Variants in MYRIP observed in about 807,000 individuals in gnomAD.
MYRIP encodes myosin VIIA and Rab interacting protein.
Under a neutral mutation model 98.0 loss-of-function variants are expected in MYRIP, and 49 were observed. That is an observed-to-expected ratio of 0.50 (90% CI 0.40 to 0.63). MYRIP has a LOEUF of 0.63. Ranked by LOEUF, MYRIP falls within the 30% of genes least tolerant of loss-of-function variation. MYRIP has a pLI of 0.00. For synonymous variants in MYRIP, 404 were observed against 409.5 expected (o/e 0.99, Z 0.16); for missense variants, 1,004 against 1,058.2 (o/e 0.95, Z 0.71).
chr3:39,950,802 A>T (rs1944995137), intron 2 of MYRIP, among the ~76,000 whole-genome samples: 1 of 152,198 alleles, frequency 6.6e-6, no homozygotes, highest in South Asian at 2.1e-4. Context: ...GCTATTTGTC[A>T]TTCATTTTCA....
chr3:39,838,974 T>TC (rs1941711935), intron 1 of MYRIP, among the ~76,000 whole-genome samples: 1 of 152,172 alleles, frequency 6.6e-6, no homozygotes, highest in Admixed American at 6.5e-5. Flanking sequence ...CCATTTTTTT[T>TC]CTAGATTTTC....
At chr3:40,078,105 A>G (rs1265369805) in intron 3 of MYRIP, among the ~76,000 whole-genome samples, 4 of 152,250 alleles carry the variant, frequency 2.6e-5, no homozygotes, top group Non-Finnish European at 5.9e-5. Context: ...TGAGAAATCT[A>G]GCGCAGCGCC....
chr3:40,090,962 G>A (rs945197557), intron 3 of MYRIP, among the ~76,000 whole-genome samples: 1 of 152,160 alleles, frequency 6.6e-6, no homozygotes, highest in Non-Finnish European at 1.5e-5. Context: ...ATGGTTTCTT[G>A]GGTGTGGACT....
chr3:39,841,580 T>C (rs972836052), intron 1 of MYRIP, among the ~76,000 whole-genome samples: 4 of 152,198 alleles, frequency 2.6e-5, no homozygotes, highest in African/African-American at 9.7e-5. Context: ...TTTTCCCTCA[T>C]CTTTGTGGAT....
intron 3 of MYRIP, among the ~76,000 whole-genome samples, chr3:40,128,651 C>T (rs1192808648): frequency 6.6e-6 from 1 of 152,210 alleles, no homozygotes; most frequent in Non-Finnish European, 1.5e-5. Flanking sequence ...GGTGCATCTG[C>T]CATACAGGGA....
intron 3 of MYRIP, among the ~76,000 whole-genome samples, chr3:40,074,251 T>G (rs748943117): frequency 2.6e-5 from 4 of 151,978 alleles, no homozygotes; most frequent in Admixed American, 6.6e-5. Context: ...ATTTTTTGTG[T>G]TTTTAGTAGA....
At chr3:39,949,743 A>G (rs1256785047) in intron 2 of MYRIP, among the ~76,000 whole-genome samples, 2 of 152,184 alleles carry the variant, frequency 1.3e-5, no homozygotes, top group Non-Finnish European at 2.9e-5. Context: ...GTTTGCTATC[A>G]TATTTGCAAG....
intron 3 of MYRIP, among the ~76,000 whole-genome samples, chr3:40,056,202 G>C (rs1947882047): frequency 6.6e-6 from 1 of 152,184 alleles, no homozygotes; most frequent in Non-Finnish European, 1.5e-5. Flanking sequence ...TATGAAGCTA[G>C]TTAGGGCAAG....
chr3:40,175,280 G>A (rs1314446818), intron 8 of MYRIP, among the ~76,000 whole-genome samples: 2 of 152,168 alleles, frequency 1.3e-5, no homozygotes, highest in African/African-American at 4.8e-5. Flanking sequence ...CACCACCAAT[G>A]CTTGAAGTGG....
intron 2 of MYRIP, among the ~76,000 whole-genome samples, chr3:40,026,342 G>T (rs1947128148): frequency 6.6e-6 from 1 of 151,482 alleles, no homozygotes; most frequent in Non-Finnish European, 1.5e-5. Flanking sequence ...CTGTTATTCT[G>T]TTCTTTTTCA....
At chr3:40,004,235 TAA>T (rs1219684078) in intron 2 of MYRIP, among the ~76,000 whole-genome samples, 2 of 152,178 alleles carry the variant, frequency 1.3e-5, no homozygotes, top group Non-Finnish European at 2.9e-5. Flanking sequence ...AGAGAAATAT[TAA>T]AGAGGGTGCA....
At chr3:40,134,601 AC>A in intron 3 of MYRIP, among the ~76,000 whole-genome samples, 1 of 152,174 alleles carries the variant, frequency 6.6e-6, no homozygotes, top group South Asian at 2.1e-4. Context: ...TGGGTCCCTG[AC>A]CCCCGAGTAG....
At position 39,837,667 on chromosome 3, in the gene MYRIP, T is replaced by A. The variant is rs1027967884; in HGVS notation, c.-31+27751T>A. On this transcript the variant is annotated intron_variant, in intron 1 of 16. Coordinates refer to ENST00000302541, the MANE Select transcript of MYRIP (RefSeq NM_015460.4). Reference sequence around the variant, plus strand: ...GATAGCATGATGCCTCCAGCTGTGTTCTTTTTGCTTAGGATTGTCTTGGCT... The same window carrying A: ...GATAGCATGATGCCTCCAGCTGTGTACTTTTTGCTTAGGATTGTCTTGGCT... Among the ~76,000 whole-genome samples, 4 of 152,368 alleles carry A rather than the reference T, an allele frequency of 2.6e-5. No individual in the cohort carries two copies. The South Asian group carries it at 8.3e-4, about 32-fold the overall frequency.
At chr3:40,176,809 C>T (rs558285230) in intron 8 of MYRIP, among the ~76,000 whole-genome samples, 19 of 148,124 alleles carry the variant, frequency 1.3e-4, no homozygotes, top group Non-Finnish European at 1.9e-4. Context: ...CTAGGGAGGC[C>T]GAGGCAGGAG....
intron 2 of MYRIP, among the ~76,000 whole-genome samples, chr3:40,036,126 G>C (rs562131096): frequency 6.6e-6 from 1 of 151,710 alleles, no homozygotes; most frequent in Admixed American, 6.6e-5. Context: ...TTTTAAAAAT[G>C]ACGAAGAGAT....
intron 5 of MYRIP, among the ~76,000 whole-genome samples, chr3:40,163,586 C>T (rs1313513811): frequency 6.6e-6 from 1 of 152,196 alleles, no homozygotes. Flanking sequence ...AATTCACTCT[C>T]CCTCTTCTGG....
At chr3:39,879,480 C>A (rs138752643) in intron 1 of MYRIP, among the ~76,000 whole-genome samples, 1 of 151,692 alleles carries the variant, frequency 6.6e-6, no homozygotes, top group African/African-American at 2.4e-5. Flanking sequence ...TTTTCTTTCT[C>A]CTAAAGTGTA....
intron 3 of MYRIP, among the ~76,000 whole-genome samples, chr3:40,133,318 G>A (rs1407854897): frequency 1.3e-5 from 2 of 152,186 alleles, no homozygotes; most frequent in African/African-American, 4.8e-5. Flanking sequence ...CCAATATGCT[G>A]TAATCATGTT....
At chr3:40,092,267 CA>C (rs529557965) in intron 3 of MYRIP, among the ~76,000 whole-genome samples, 1 of 152,170 alleles carries the variant, frequency 6.6e-6, no homozygotes, top group Non-Finnish European at 1.5e-5. Flanking sequence ...TCATCATCAG[CA>C]CCCTAAAGCC....
Sources: gnomAD v4.1 joint callset for allele counts (sites outside exome capture counted in the v4.1 genomes callset) on GRCh38, gnomAD v4.1.1 for gene constraint, MANE v1.5 for transcripts, NCBI Gene and HGNC (gene_info 2026-07-23, HGNC 2026-07-21) for gene names.